Variants in CCDC57 observed in about 807,000 individuals in gnomAD.
CCDC57 encodes the protein coiled-coil domain containing 57, also known as coiled-coil domain-containing protein 57.
A neutral mutation model predicts 118.9 loss-of-function variants in CCDC57; 118 were observed. The ratio of observed to expected loss-of-function variants is 0.99; its 90% confidence interval spans 0.86 to 1.16. CCDC57 has a LOEUF of 1.16. Ranked by LOEUF, CCDC57 falls within the 50% of genes most tolerant of loss-of-function variation. The pLI is 0.00. For synonymous variants in CCDC57, 527 were observed against 532.9 expected, an observed-to-expected ratio of 0.99 and a Z score of 0.15; for missense variants, 1,300 against 1,320.7, an observed-to-expected ratio of 0.98 and a Z score of 0.24.
intron 16 of CCDC57, among the ~76,000 whole-genome samples, chr17:82,142,319 T>G (rs11868521): frequency 0.42 from 63,234 of 151,792 alleles, 15,072 homozygotes; most frequent in Non-Finnish European, 0.55. Flanking sequence ...GTGTTTGTTT[T>G]TTTTTTTTCT....
At chr17:82,162,086 G>A (rs556963316) in intron 14 of CCDC57, among the ~76,000 whole-genome samples, 96 of 152,094 alleles carry the variant, frequency 6.3e-4, no homozygotes, top group Admixed American at 2.5e-3. Flanking sequence ...TGCAACCTCC[G>A]CCTCCTGGGT....
intron 2 of CCDC57, among the ~76,000 whole-genome samples, chr17:82,205,789 G>T (rs1376115714): frequency 6.6e-6 from 1 of 152,194 alleles, no homozygotes; most frequent in East Asian, 1.9e-4. Context: ...GCAGCACCCG[G>T]TGAGAGCCCA....
At chr17:82,124,416 G>A (rs893161809) in intron 19 of CCDC57, among the ~76,000 whole-genome samples, 8 of 152,178 alleles carry the variant, frequency 5.3e-5, no homozygotes, top group Admixed American at 2.6e-4. Context: ...TCAACGACAC[G>A]ACTCTGCTGG....
chr17:82,212,310 C>T lies in CCDC57; in HGVS notation c.-211+475G>A, dbSNP rs1292185493. On this transcript the variant is annotated intron_variant, in intron 1 of 19. Coordinates refer to ENST00000665763, the Ensembl canonical transcript of CCDC57. The surrounding 1 kb of genome is among the most constrained non-coding windows in gnomAD (Gnocchi z 4.1). ...TGTTGGCCAGGCTGGTCTCGAACTCCGGGCCTCAAGCAATCTGCCCGCCTC... is the reference window on the plus strand; with the variant it reads ...TGTTGGCCAGGCTGGTCTCGAACTCTGGGCCTCAAGCAATCTGCCCGCCTC... Among the ~76,000 whole-genome samples the T allele has an allele frequency of 6.6e-6, 1 of 151,382 alleles. No homozygotes were observed. The highest frequency in any genetic ancestry group is 2.4e-5 in the African/African-American group (1 of 41,124).
intron 16 of CCDC57, among the ~76,000 whole-genome samples, chr17:82,151,255 A>ACACCCAGAACCTGACCCG (rs2042010003): frequency 6.9e-6 from 1 of 145,270 alleles, no homozygotes; most frequent in South Asian, 2.3e-4. Flanking sequence ...AACCTGGCAC[A>ACACCCAGAACCTGACCCG]CACCCAGAAC....
chr17:82,128,626 C>G, intron 17 of CCDC57, 29 bp from the exon 17 acceptor site: 3 of 1,513,058 alleles, frequency 2.0e-6, no homozygotes, highest in Non-Finnish European at 2.7e-6. Context: ...TGAGAGGACT[C>G]TGGTATTCAC....
At chr17:82,136,433 G>A (rs1343865503) in intron 16 of CCDC57, among the ~76,000 whole-genome samples, 4 of 152,124 alleles carry the variant, frequency 2.6e-5, no homozygotes, top group East Asian at 1.9e-4. Flanking sequence ...AAGCAACTGC[G>A]AATGAGTGTG....
chr17:82,128,462 G>T, intron 18 of CCDC57, 31 bp downstream of exon 17: 1 of 1,485,842 alleles, frequency 6.7e-7, no homozygotes. Flanking sequence ...ACCCCACACA[G>T]CTGCACTTGC....
At chr17:82,177,012 G>GGC (rs2045604128) in intron 11 of CCDC57, among the ~76,000 whole-genome samples, 1 of 152,006 alleles carries the variant, frequency 6.6e-6, no homozygotes, top group Non-Finnish European at 1.5e-5. Context: ...TTGGGAGGCC[G>GGC]AGGTGGGCAG....
At chr17:82,204,700 G>A (rs547592958) in intron 2 of CCDC57, among the ~76,000 whole-genome samples, 2 of 152,216 alleles carry the variant, frequency 1.3e-5, no homozygotes, top group South Asian at 2.1e-4. Flanking sequence ...GGAGAATGGC[G>A]TGAACCCCGG....
chr17:82,141,949 T>C (rs193167987), intron 16 of CCDC57, among the ~76,000 whole-genome samples: 39 of 152,294 alleles, frequency 2.6e-4, no homozygotes, highest in African/African-American at 8.4e-4. Context: ...TTACCACTGA[T>C]AGGCATGCGG....
chr17:82,132,777 T>G (rs1364298068), intron 17 of CCDC57, among the ~76,000 whole-genome samples: 5 of 136,822 alleles, frequency 3.7e-5, no homozygotes, highest in Admixed American at 2.9e-4. Flanking sequence ...TTTTTTTTTT[T>G]GAGACGGAGT....
chr17:82,134,109 T>A (rs1384882436), exon 17 of CCDC57: 7 of 1,421,334 alleles, frequency 4.9e-6, no homozygotes, highest in Non-Finnish European at 6.4e-6. Flanking sequence ...GTCCCAAAGG[T>A]GGGCTGCGAT....
intron 3 of CCDC57, 131 bp downstream of exon 2, chr17:82,201,407 C>A (rs7215277): frequency 0.45 from 525,586 of 1,168,294 alleles, 124,603 homozygotes; most frequent in East Asian, 0.89. Flanking sequence ...GACCAGCTCC[C>A]GTGGCCTGGA....
In CCDC57 at chr17:82,179,018, C is replaced by T. The variant is rs375851964; in HGVS notation, c.1374+9G>A. 1.1e-4 allele frequency: 170 copies of T among 1,612,152 alleles called. No individual in the cohort carries two copies. Among genetic ancestry groups the T allele is most frequent in the Admixed American group, 5.5e-4 (33 of 59,886 alleles). On this transcript the variant is annotated intron_variant, in intron 10 of 19. Coordinates refer to ENST00000665763, the Ensembl canonical transcript of CCDC57. ...CGAGAAGGCCCCAGGCCCTGGTGGC[C>T]GCACACACCTGACTTTTTGCCATGC...
intron 16 of CCDC57, among the ~76,000 whole-genome samples, chr17:82,150,783 G>A (rs1211270470): frequency 2.1e-5 from 2 of 94,138 alleles, no homozygotes; most frequent in Admixed American, 1.2e-4. Context: ...TCAGAACCTG[G>A]TGCACACCCA....
At chr17:82,157,840 C>A in exon 15 of CCDC57, 1 of 1,598,470 alleles carries the variant, frequency 6.3e-7, no homozygotes, top group East Asian at 2.3e-5. Context: ...AGATGCTTCC[C>A]CAGCTCAGCC....
chr17:82,209,101 C>T (rs2049994692), intron 1 of CCDC57, among the ~76,000 whole-genome samples: 1 of 152,062 alleles, frequency 6.6e-6, no homozygotes, highest in Admixed American at 6.6e-5. Context: ...TTCACTTCCT[C>T]CACTGACTGC....
chr17:82,142,232 A>C (rs1271428818), intron 16 of CCDC57, among the ~76,000 whole-genome samples: 1 of 152,236 alleles, frequency 6.6e-6, no homozygotes. Context: ...AACCTCAGTA[A>C]GGACACTGTA....
Sources: allele counts gnomAD v4.1 joint callset (sites outside exome capture counted in the v4.1 genomes callset), GRCh38; gene constraint gnomAD v4.1.1; non-coding constraint Gnocchi (gnomAD v3.1); transcripts MANE v1.5; gene names NCBI Gene and HGNC (gene_info 2026-07-23, HGNC 2026-07-21).